METTL8: variants seen among roughly 807,000 people sequenced by gnomAD.
METTL8 encodes methyltransferase 8, tRNA N3-cytidine, also known as tRNA N(3)-cytidine methyltransferase METTL8, mitochondrial.
METTL8 carries 32 observed loss-of-function variants against 48.7 expected under a neutral mutation model. That is an observed-to-expected ratio of 0.66 (90% CI 0.50 to 0.88). The LOEUF is 0.88. METTL8 is among the 40% of genes least tolerant of loss of function. METTL8 has a pLI of 0.00. For missense variants in METTL8, 464 were observed against 474.4 expected (o/e 0.98, Z 0.20); for synonymous variants, 136 against 157.1 (o/e 0.87, Z 1.01).
upstream of METTL8, chr2:171,434,208 G>T: frequency 2.4e-6 from 1 of 409,784 alleles, no homozygotes. Context: ...GCCGCCTGAC[G>T]GGAATTGTAG....
intron 3 of METTL8, among the ~76,000 whole-genome samples, chr2:171,349,544 T>G (rs1451011521): frequency 1.3e-5 from 2 of 152,228 alleles, no homozygotes; most frequent in East Asian, 3.8e-4. Context: ...TATACCACAT[T>G]TGTTTTAACC....
intron 1 of METTL8, among the ~76,000 whole-genome samples, chr2:171,393,407 CAAAAAA>C (rs10629650): frequency 9.6e-6 from 1 of 104,186 alleles, no homozygotes; most frequent in South Asian, 3.5e-4. Context: ...TATAAAAAAG[CAAAAAA>C]AAAAAAAAAA....
intron 3 of METTL8, among the ~76,000 whole-genome samples, chr2:171,358,441 T>C (rs186580546): frequency 5.0e-4 from 76 of 151,232 alleles, no homozygotes; most frequent in African/African-American, 1.7e-3. Flanking sequence ...CAAATTGGCA[T>C]GGTACTGGCA....
In METTL8 at chr2:171,369,787, G is replaced by T. The variant is rs559564763; in HGVS notation, c.144-9274C>A. ...TGGATACAAAAAATTATTCAATTAG[G>T]CTGGTCACGGTGGCTCACACCTGTA... On this transcript the variant is annotated intron_variant, in intron 2 of 9. Transcript: ENST00000375258. Among the ~76,000 whole-genome samples the T allele has an allele frequency of 4.6e-5, 7 of 152,256 alleles. No homozygotes were observed. The South Asian group carries it at 1.2e-3, about 27-fold the overall frequency.
rs150536997 is a variant in METTL8 at position 171,328,699 on chromosome 2, T to G, written c.860+1860A>C. Among the ~76,000 whole-genome samples, 966 of 152,234 alleles carry G rather than the reference T, an allele frequency of 6.3e-3. 7 individuals carry two copies. The highest frequency in any genetic ancestry group is 0.021 in the African/African-American group (863 of 41,532). On this transcript the variant is annotated intron_variant, in intron 7 of 9. Transcript: ENST00000375258. ...CTAATTTTTGTATTTTTATCATTTA[T>G]TTATTTTTTTGAGACGGAGTCTCTG... is the stretch of plus-strand genomic sequence containing the variant.
chr2:171,354,773 C>T (rs774445807), intron 3 of METTL8, among the ~76,000 whole-genome samples: 4 of 152,200 alleles, frequency 2.6e-5, no homozygotes, highest in African/African-American at 7.2e-5. Context: ...CTTGTACATG[C>T]GTCACATAGT....
intron 5 of METTL8, among the ~76,000 whole-genome samples, chr2:171,335,136 C>G (rs996117312): frequency 6.6e-6 from 1 of 151,968 alleles, no homozygotes; most frequent in African/African-American, 2.4e-5. Context: ...AAAAGGAAAA[C>G]AAAACTAACA....
At chr2:171,368,837 A>G (rs1400227383) in intron 2 of METTL8, among the ~76,000 whole-genome samples, 1 of 151,606 alleles carries the variant, frequency 6.6e-6, no homozygotes, top group East Asian at 2.0e-4. Context: ...AGGAGTTCAC[A>G]GCCAGCTTGC....
chr2:171,345,600 ACT>A (rs913649319), intron 3 of METTL8, among the ~76,000 whole-genome samples: 34 of 152,206 alleles, frequency 2.2e-4, no homozygotes, highest in African/African-American at 7.7e-4. Flanking sequence ...ACTTTTAGCT[ACT>A]CTCTCTATAT....
intron 2 of METTL8, among the ~76,000 whole-genome samples, chr2:171,374,475 C>CT (rs1486150411): frequency 1.3e-5 from 2 of 152,106 alleles, no homozygotes; most frequent in Non-Finnish European, 2.9e-5. Flanking sequence ...ATGGAAGTAA[C>CT]TTTTTTTAAG....
At chr2:171,395,717 G>A (rs1347008720) in intron 1 of METTL8, among the ~76,000 whole-genome samples, 1 of 152,070 alleles carries the variant, frequency 6.6e-6, no homozygotes, top group African/African-American at 2.4e-5. Flanking sequence ...CTTTCTAAAA[G>A]GAGAACTTAA....
At position 171,319,648 on chromosome 2, in the gene METTL8, A is replaced by G. The variant is rs1684433286; in HGVS notation, c.*4524T>C. ...TATGGAATCGAGAGAGGCAAAGCAA[A>G]TAAGTTCTCAGAAGTCAATGTTAAA... is the stretch of plus-strand genomic sequence containing the variant. On this transcript the variant is annotated 3_prime_UTR_variant, in exon 10 of 10. Transcript: ENST00000375258. 1 of 152,268 alleles carries G rather than the reference A, an allele frequency of 6.6e-6. No homozygotes were observed. The highest frequency in any genetic ancestry group is 1.5e-5 in the Non-Finnish European group (1 of 68,050). 9.4% of individuals were successfully genotyped at this position (152,268 alleles called of 1,614,324 possible).
rs1684523798 is a variant in METTL8, at chr2:171,321,544, T to G, written c.*2628A>C. 1 of 152,234 alleles carries G rather than the reference T, an allele frequency of 6.6e-6. No individual in the cohort carries two copies. The highest frequency in any genetic ancestry group is 2.4e-5 in the African/African-American group (1 of 41,464). 9.4% of individuals were successfully genotyped at this position (152,234 alleles called of 1,614,324 possible). Reference sequence around the variant, plus strand: ...ATGACTAAAGCTGGACCAATGATATTCTTCTAGAAATTGGATTTTAAGTGA... The same window carrying G: ...ATGACTAAAGCTGGACCAATGATATGCTTCTAGAAATTGGATTTTAAGTGA... On this transcript the variant is annotated 3_prime_UTR_variant, in exon 10 of 10. Transcript: ENST00000375258.
chr2:171,329,487 T>A (rs1016136308), intron 7 of METTL8, among the ~76,000 whole-genome samples: 10 of 152,214 alleles, frequency 6.6e-5, no homozygotes, highest in Non-Finnish European at 1.5e-4. Context: ...GATGACAACT[T>A]TCTATTAGTA....
intron 4 of METTL8, among the ~76,000 whole-genome samples, chr2:171,337,870 T>C (rs925499600): frequency 2.0e-5 from 3 of 151,438 alleles, no homozygotes; most frequent in Admixed American, 6.6e-5. Flanking sequence ...TTCTAAACAT[T>C]TGAAGTATGT....
At chr2:171,391,396 A>G (rs1688565672) in intron 2 of METTL8, among the ~76,000 whole-genome samples, 1 of 152,184 alleles carries the variant, frequency 6.6e-6, no homozygotes, top group Admixed American at 6.5e-5. Context: ...AACATTTCTG[A>G]GGTGTGCCTG....
rs1225115471 is a variant in METTL8 at position 171,316,883 on chromosome 2, G to T, written c.*7289C>A. On this transcript the variant is annotated 3_prime_UTR_variant, in exon 10 of 10. Transcript: ENST00000375258. ...TGCGAGTGCCAAATGCTGCTTAGGG[G>T]GATATGTCTCTGCTCACCTGAGGGA... is the stretch of plus-strand genomic sequence containing the variant. 6.6e-6 allele frequency among the ~76,000 whole-genome samples: 1 copy of T among 152,106 alleles called. No homozygotes were observed. Among genetic ancestry groups the T allele is most frequent in the Non-Finnish European group, 1.5e-5 (1 of 68,032 alleles).
intron 3 of METTL8, among the ~76,000 whole-genome samples, chr2:171,350,201 G>A (rs1683744220): frequency 6.6e-6 from 1 of 152,186 alleles, no homozygotes; most frequent in Non-Finnish European, 1.5e-5. Flanking sequence ...CTATGAGTGA[G>A]AATATGTGGT....
chr2:171,413,767 G>A (rs552170409), intron 1 of METTL8, among the ~76,000 whole-genome samples: 11 of 152,172 alleles, frequency 7.2e-5, no homozygotes, highest in African/African-American at 1.9e-4. Context: ...TATGGATAGC[G>A]GAAAGCCCAT....
Sources: gnomAD v4.1 joint callset for allele counts (sites outside exome capture counted in the v4.1 genomes callset) on GRCh38, gnomAD v4.1.1 for gene constraint, MANE v1.5 for transcripts, NCBI Gene and HGNC (gene_info 2026-07-23, HGNC 2026-07-21) for gene names.